The following GPD1 variants were observed in gnomAD, a reference collection of about 807,000 sequenced individuals.
The protein encoded by GPD1 is glycerol-3-phosphate dehydrogenase [NAD(+)], cytoplasmic.
In GPD1, 19 loss-of-function variants were observed where a neutral mutation model predicts 34.4. The ratio of observed to expected loss-of-function variants is 0.55; its 90% CI spans 0.39 to 0.81. The LOEUF (loss-of-function observed/expected upper bound fraction) is 0.81, where lower values mean the gene tolerates loss of function less well. Ranked by LOEUF, GPD1 falls within the 30% of genes least tolerant of loss-of-function variation. The pLI is 0.00. For missense variants in GPD1, 429 were observed against 447.0 expected (o/e 0.96, Z 0.36); for synonymous variants, 172 against 174.1 (o/e 0.99, Z 0.09).
rs836178 is a variant in GPD1 at position 50,104,356 on chromosome 12, T to G, written c.42-218T>G. 0.68 allele frequency: 479,945 copies of G among 705,434 alleles called. 165,381 individuals are homozygous for G. The highest frequency in any genetic ancestry group is 0.87 in the East Asian group (32,411 of 37,222). The allele number at this position is 705,434 out of a possible 1,614,324, so 43.7% of individuals were successfully genotyped here. On this transcript the variant is annotated intron_variant, in intron 1 of 7. Coordinates refer to ENST00000301149, the MANE Select transcript of GPD1 (RefSeq NM_005276.4). ...AGTTTGGGGGTGGGAAGATGAGAAGTGGGGCTCCCTTCTCTAGTAGCAAAG... is the reference window on the plus strand; with the variant it reads ...AGTTTGGGGGTGGGAAGATGAGAAGGGGGGCTCCCTTCTCTAGTAGCAAAG...
intron 7 of GPD1, among the ~76,000 whole-genome samples, chr12:50,109,134 C>CAAAA (rs34926030): frequency 1.6e-5 from 1 of 64,350 alleles, no homozygotes; most frequent in Non-Finnish European, 2.9e-5. Context: ...GAGTCTGTCT[C>CAAAA]AAAAAAAAAA....
At position 50,106,917 on chromosome 12, in the gene GPD1, G is replaced by T. The variant is rs35256655; in HGVS notation, c.612G>T (p.Lys204Asn). Residue 204 changes from lysine to asparagine, a missense_variant and splice_region_variant, in exon 5 of 8, where the codon AAG (lysine) becomes AAT (asparagine). By Grantham distance (94) the Lys-to-Asn change is moderately conservative (BLOSUM62 0). Transcript: ENST00000301149. ...VDTVEICGALKNVVAVGAGFC... is the reference protein window; with the variant it reads ...VDTVEICGALNNVVAVGAGFC... Reference sequence around the variant, plus strand: ...CAGTAGAGATCTGTGGAGCCTTAAAGGTGAGAGGGGCACAGAGGCAGCTAT... The same window carrying T: ...CAGTAGAGATCTGTGGAGCCTTAAATGTGAGAGGGGCACAGAGGCAGCTAT... 1 of 1,574,020 alleles carries T rather than the reference G, an allele frequency of 6.4e-7. No homozygotes were observed. The highest frequency in any genetic ancestry group is 8.7e-7 in the Non-Finnish European group (1 of 1,143,340).
At position 50,108,107 on chromosome 12, in the gene GPD1, C is replaced by G. The variant is rs753105952; in HGVS notation, c.930C>G (p.Leu310=). The part of the protein sequence containing the change: ...PETARELYSI[L]QHKGLVDKFP... ...CAGCCCGGGAGCTATACAGCATCCT[C>G]CAGCACAAGGGCCTGGTAGACAAGT... The change falls in exon 7 of 8, where the codon CTC becomes CTG. Residue 310 remains leucine, a synonymous_variant. Transcript: ENST00000301149. 6.2e-7 allele frequency: 1 copy of G among 1,607,864 alleles called. No individual in the cohort carries two copies. Among genetic ancestry groups the G allele is most frequent in the Non-Finnish European group, 8.5e-7 (1 of 1,174,772 alleles).
In GPD1 at chr12:50,104,083, C is replaced by A. The variant is rs760177680; in HGVS notation, c.33C>A (p.Ser11=). 31 of 1,614,022 alleles carry A rather than the reference C, an allele frequency of 1.9e-5. No individual in the cohort carries two copies. In the South Asian group the frequency reaches 3.3e-4, roughly 17 times the overall value. Residue 11 remains serine, a synonymous_variant, in exon 1 of 8, where the codon TCC becomes TCA. Transcript: ENST00000301149. MASKKVCIVG[S]GNWGSAIAKI... ...GCAAGAAAGTCTGCATTGTAGGCTC[C>A]GGGAACTGGTAAGCAGCTCTGTCAA... is the stretch of plus-strand genomic sequence containing the variant.
At chr12:50,104,838 G>A (rs1950967559) in intron 2 of GPD1, 87 bp downstream of exon 2, 3 of 1,123,548 alleles carry the variant, frequency 2.7e-6, no homozygotes, top group Non-Finnish European at 4.0e-6. Flanking sequence ...GCCTCCTGCT[G>A]AGAGGGCCGC....
Position 50,110,788 on chromosome 12 carries a change from G to A in GPD1, c.*1269G>A, listed in dbSNP as rs1265898579. 6.5e-6 allele frequency: 1 copy of A among 152,856 alleles called. No individual in the cohort carries two copies. Among genetic ancestry groups the A allele is most frequent in the East Asian group, 1.9e-4 (1 of 5,198 alleles). 9.5% of individuals were successfully genotyped at this position (152,856 alleles called of 1,614,324 possible). ...TCAAAACCACCCTACTCCCTGGGGT[G>A]AGGAAAGAACAGGAGGGGAGGAGGA... is the stretch of plus-strand genomic sequence containing the variant. On this transcript the variant is annotated 3_prime_UTR_variant, in exon 8 of 8. Transcript: ENST00000301149.
Position 50,108,067 on chromosome 12 carries a change from T to A in GPD1, c.890T>A (p.Leu297Gln). The change falls in exon 7 of 8, where the codon CTG (leucine) becomes CAG (glutamine). Residue 297 changes from leucine (L) to glutamine (Q), a missense_variant. Coordinates refer to ENST00000301149, the MANE Select transcript of GPD1 (RefSeq NM_005276.4). ...LEKELLNGQK[L>Q]QGPETARELY... Reference sequence around the variant, plus strand: ...AAAGAGTTGCTGAATGGGCAGAAACTGCAGGGGCCCGAGACAGCCCGGGAG... The same window carrying A: ...AAAGAGTTGCTGAATGGGCAGAAACAGCAGGGGCCCGAGACAGCCCGGGAG... 6.2e-7 allele frequency: 1 copy of A among 1,613,504 alleles called. No homozygotes were observed. Among genetic ancestry groups the A allele is most frequent in the Non-Finnish European group, 8.5e-7 (1 of 1,179,698 alleles).
In GPD1 at chr12:50,108,075, C is replaced by T; in HGVS notation, c.898C>T (p.Pro300Ser). The T allele has an allele frequency of 6.2e-7, 1 of 1,613,184 alleles. No individual in the cohort carries two copies. The highest frequency in any genetic ancestry group is 8.5e-7 in the Non-Finnish European group (1 of 1,179,370). ...ELLNGQKLQG[P>S]ETARELYSIL... Reference sequence around the variant, plus strand: ...GCTGAATGGGCAGAAACTGCAGGGGCCCGAGACAGCCCGGGAGCTATACAG... The same window carrying T: ...GCTGAATGGGCAGAAACTGCAGGGGTCCGAGACAGCCCGGGAGCTATACAG... The change falls in exon 7 of 8, where the codon CCC (proline) becomes TCC (serine). Residue 300 changes from proline to serine, a missense_variant. Pro to Ser is a moderately conservative substitution (Grantham distance 74, BLOSUM62 -1). Transcript: ENST00000301149.
chr12:50,109,234 C>A (rs571709103), intron 7 of GPD1, among the ~76,000 whole-genome samples, 189 bp from the exon 8 acceptor site: 1 of 151,392 alleles, frequency 6.6e-6, no homozygotes, highest in African/African-American at 2.4e-5. Flanking sequence ...GGGAGCAGGG[C>A]AATTAGCAAT....
chr12:50,108,138 T>C lies in GPD1; in HGVS notation c.953+8T>C. ...CAAGGGCCTGGTAGACAAGTAAGTA[T>C]TGGCCACAGCCCCACTGATTAAGGG... On this transcript the variant is annotated splice_region_variant and intron_variant, in intron 7 of 7. Transcript: ENST00000301149. The C allele has an allele frequency of 2.0e-6, 3 of 1,499,594 alleles. No individual in the cohort carries two copies. The highest frequency in any genetic ancestry group is 2.8e-6 in the Non-Finnish European group (3 of 1,078,464). The allele number at this position is 1,499,594 out of a possible 1,614,324, so 92.9% of individuals were successfully genotyped here.
chr12:50,104,292 G>T (rs1237083042), intron 1 of GPD1: 89 of 698,950 alleles, frequency 1.3e-4, no homozygotes, highest in Non-Finnish European at 1.3e-5. Context: ...TTCACCATGG[G>T]AAGGCGTCTC....
At position 50,104,084 on chromosome 12, in the gene GPD1, G is replaced by A. The variant is rs776284291; in HGVS notation, c.34G>A (p.Gly12Arg). The A allele has an allele frequency of 1.2e-6, 2 of 1,614,028 alleles. No individual in the cohort carries two copies. The highest frequency in any genetic ancestry group is 8.5e-7 in the Non-Finnish European group (1 of 1,179,934). ...ASKKVCIVGS[G>R]NWGSAIAKIV... is the part of the protein sequence containing the mutation. ...CAAGAAAGTCTGCATTGTAGGCTCCGGGAACTGGTAAGCAGCTCTGTCAAG... is the reference window on the plus strand; with the variant it reads ...CAAGAAAGTCTGCATTGTAGGCTCCAGGAACTGGTAAGCAGCTCTGTCAAG... Residue 12 changes from glycine to arginine, a missense_variant, in exon 1 of 8, where the codon GGG (glycine) becomes AGG (arginine). Physicochemically the swap from Gly to Arg is moderately radical, Grantham distance 125 (BLOSUM62 -2). Transcript: ENST00000301149.
At chr12:50,105,798 G>T in intron 3 of GPD1, 110 bp downstream of exon 3, 1 of 1,148,174 alleles carries the variant, frequency 8.7e-7, no homozygotes, top group Non-Finnish European at 1.3e-6. Flanking sequence ...CCAAGAGTTT[G>T]CTGGAGAAAA....
intron 5 of GPD1, 48 bp from the exon 6 acceptor site, chr12:50,107,519 G>T (rs763882600): frequency 1.5e-5 from 20 of 1,355,944 alleles, no homozygotes; most frequent in Admixed American, 1.2e-4. Flanking sequence ...TCCACATGGG[G>T]CCTATAGGAG....
In GPD1 at chr12:50,106,853, C is replaced by T. The variant is rs1363038579; in HGVS notation, c.548C>T (p.Thr183Ile). ...CAACTCCTGAAAGAGCTGATGCAGA[C>T]ACCAAACTTCCGTATCACAGTGGTG... The part of the protein sequence containing the change: ...QGQLLKELMQ[T>I]PNFRITVVQE... The change falls in exon 5 of 8, where the codon ACA (threonine) becomes ATA (isoleucine). Residue 183 changes from threonine to isoleucine, a missense_variant. Thr to Ile is a moderately conservative substitution (Grantham distance 89). Coordinates refer to ENST00000301149, the MANE Select transcript of GPD1 (RefSeq NM_005276.4). 3.7e-6 allele frequency: 6 copies of T among 1,612,896 alleles called. No homozygotes were observed. Among genetic ancestry groups the T allele is most frequent in the Middle Eastern group, 1.6e-4 (1 of 6,080 alleles).
Position 50,110,005 on chromosome 12 carries a change from GA to G in GPD1, c.*487del, listed in dbSNP as rs990833521. On this transcript the variant is annotated 3_prime_UTR_variant, in exon 8 of 8. Transcript: ENST00000301149. ...CTTCTGAGCTGATGCAGGCCCCAAGGACCCCTTTGCTGACCTCTGCCAGGAC... is the reference window on the plus strand; with the variant it reads ...CTTCTGAGCTGATGCAGGCCCCAAGGCCCCTTTGCTGACCTCTGCCAGGAC... The G allele has an allele frequency of 1.3e-5, 2 of 155,356 alleles. No individual in the cohort carries two copies. The highest frequency in any genetic ancestry group is 4.8e-5 in the African/African-American group (2 of 41,498). The allele number at this position is 155,356 out of a possible 1,614,324, so 9.6% of individuals were successfully genotyped here.
intron 1 of GPD1, 73 bp downstream of exon 1, chr12:50,104,164 G>A: frequency 7.3e-7 from 1 of 1,361,824 alleles, no homozygotes; most frequent in Non-Finnish European, 1.1e-6. Flanking sequence ...AGGCAGAATG[G>A]GTGGGAAAGG....
chr12:50,108,163 G>T (rs1403282886), intron 7 of GPD1, 33 bp downstream of exon 7: 5 of 1,234,388 alleles, frequency 4.1e-6, no homozygotes, highest in Non-Finnish European at 4.7e-6. Context: ...CTGATTAAGG[G>T]AGCCACAGCC....
chr12:50,106,725 A>G, intron 4 of GPD1, 80 bp from the exon 5 acceptor site: 1 of 833,290 alleles, frequency 1.2e-6, no homozygotes, highest in Middle Eastern at 3.5e-4. Context: ...TGGGCAACAG[A>G]GAGAGACTCC....
Sources: allele counts gnomAD v4.1 joint callset (sites outside exome capture counted in the v4.1 genomes callset), GRCh38; gene constraint gnomAD v4.1.1; transcripts MANE v1.5; gene names NCBI Gene and HGNC (gene_info 2026-07-23, HGNC 2026-07-21).